Variants in LOC128462377 observed in about 807,000 individuals in gnomAD.
chr16:89,407,481 C>G, the LOC128462377 span, among the ~76,000 whole-genome samples: 1 of 152,144 alleles, frequency 6.6e-6, no homozygotes, highest in Non-Finnish European at 1.5e-5. Context: ...GAACCACGTT[C>G]GCCTCGTCAG....
the LOC128462377 span, among the ~76,000 whole-genome samples, chr16:89,352,976 A>G: frequency 6.6e-6 from 1 of 152,260 alleles, no homozygotes; most frequent in Non-Finnish European, 1.5e-5. Flanking sequence ...TATGGAAAAC[A>G]TTAAACCTTG....
the LOC128462377 span, among the ~76,000 whole-genome samples, chr16:89,396,595 A>C: frequency 1.3e-5 from 2 of 152,192 alleles, no homozygotes; most frequent in African/African-American, 4.8e-5. Flanking sequence ...TGATGCAGGA[A>C]CAGCGAGGAG....
the LOC128462377 span, among the ~76,000 whole-genome samples, chr16:89,415,047 T>C: frequency 9.9e-5 from 15 of 151,076 alleles, no homozygotes; most frequent in Admixed American, 2.6e-4. Context: ...TGGGCTCAAG[T>C]GATCCTTCCT....
chr16:89,337,426 A>ATTTTTTTTTTTT, the LOC128462377 span, among the ~76,000 whole-genome samples: 6 of 43,784 alleles, frequency 1.4e-4, no homozygotes, highest in Admixed American at 5.2e-4. Flanking sequence ...GGTCTAAGCA[A>ATTTTTTTTTTTT]TTCTTTTTTT....
At chr16:89,325,442 C>T in the LOC128462377 span, among the ~76,000 whole-genome samples, 1 of 128,958 alleles carries the variant, frequency 7.8e-6, no homozygotes, top group African/African-American at 3.1e-5. Flanking sequence ...TCTCCCCTCT[C>T]CCCTCTCCTC....
the LOC128462377 span, among the ~76,000 whole-genome samples, chr16:89,346,142 G>A: frequency 9.1e-3 from 1,372 of 151,598 alleles, 24 homozygotes; most frequent in African/African-American, 0.031. Flanking sequence ...CCAGCTACTC[G>A]GGAGGCTGAG....
the LOC128462377 span, among the ~76,000 whole-genome samples, chr16:89,388,293 A>ATTTATTT: frequency 1.2e-5 from 1 of 85,266 alleles, no homozygotes; most frequent in Non-Finnish European, 2.3e-5. Flanking sequence ...CATGAGGCTG[A>ATTTATTT]TTTTTTTTTT....
chr16:89,346,727 G>A, the LOC128462377 span, among the ~76,000 whole-genome samples: 8 of 152,312 alleles, frequency 5.3e-5, no homozygotes, highest in Admixed American at 3.3e-4. Context: ...GGAGATCCAG[G>A]TAAAGTGGTT....
the LOC128462377 span, among the ~76,000 whole-genome samples, chr16:89,363,739 C>A: frequency 6.6e-6 from 1 of 152,172 alleles, no homozygotes; most frequent in African/African-American, 2.4e-5. Context: ...TGGAAGAACA[C>A]GGGCCTGCAG....
chr16:89,336,494 G>A, the LOC128462377 span, among the ~76,000 whole-genome samples: 56 of 152,352 alleles, frequency 3.7e-4, no homozygotes, highest in African/African-American at 1.3e-3. Flanking sequence ...GAGGACTCCT[G>A]TAGCAGGACA....
the LOC128462377 span, chr16:89,328,969 G>A: frequency 6.8e-6 from 1 of 146,832 alleles, no homozygotes; most frequent in Non-Finnish European, 1.5e-5. Flanking sequence ...AATCAGTGGA[G>A]GCCCCTGCTG....
chr16:89,372,354 G>T, the LOC128462377 span, among the ~76,000 whole-genome samples: 11 of 152,166 alleles, frequency 7.2e-5, no homozygotes, highest in Non-Finnish European at 1.3e-4. Context: ...GCCTGCCGCC[G>T]GTGTGGAGAG....
the LOC128462377 span, among the ~76,000 whole-genome samples, chr16:89,410,821 G>A: frequency 6.6e-6 from 1 of 152,248 alleles, no homozygotes; most frequent in African/African-American, 2.4e-5. Flanking sequence ...AAGCTTAACA[G>A]AAGGGGGTGG....
chr16:89,359,343 G>A, the LOC128462377 span, among the ~76,000 whole-genome samples: 9 of 152,198 alleles, frequency 5.9e-5, no homozygotes, highest in Admixed American at 1.3e-4. Context: ...TCAATCGCAC[G>A]TACAGCCCTT....
chr16:89,342,453 C>T, the LOC128462377 span, among the ~76,000 whole-genome samples: 5 of 152,230 alleles, frequency 3.3e-5, no homozygotes, highest in Non-Finnish European at 7.3e-5. Context: ...TTGCAAAGAA[C>T]TCGCCCAACA....
At chr16:89,361,762 C>T in the LOC128462377 span, 2 of 152,170 alleles carry the variant, frequency 1.3e-5, no homozygotes, top group Non-Finnish European at 2.9e-5. Flanking sequence ...AGATAAATGT[C>T]TCTAAGGACT....
chr16:89,327,317 A>G, the LOC128462377 span, among the ~76,000 whole-genome samples: 1 of 152,210 alleles, frequency 6.6e-6, no homozygotes, highest in African/African-American at 2.4e-5. Flanking sequence ...AACATCCTCA[A>G]CACGATAAAG....
the LOC128462377 span, among the ~76,000 whole-genome samples, chr16:89,364,686 A>G: frequency 1.3e-5 from 2 of 152,258 alleles, no homozygotes; most frequent in Non-Finnish European, 2.9e-5. Context: ...TAACGTTTAC[A>G]AATTTGTGTT....
chr16:89,364,088 A>C, the LOC128462377 span, among the ~76,000 whole-genome samples: 1 of 151,976 alleles, frequency 6.6e-6, no homozygotes, highest in Non-Finnish European at 1.5e-5. Flanking sequence ...ACACACACTC[A>C]ATGGAAGGCA....
Sources: gnomAD v4.1 joint callset for allele counts (sites outside exome capture counted in the v4.1 genomes callset) on GRCh38, gnomAD v4.1.1 for gene constraint, MANE v1.5 for transcripts.